The following ATP11A variants were observed in gnomAD, a reference collection of about 807,000 sequenced individuals.
ATP11A encodes ATPase phospholipid transporting 11A, also known as phospholipid-transporting ATPase IH.
A neutral mutation model predicts 154.4 loss-of-function variants in ATP11A; 81 were observed. The observed-to-expected ratio is 0.52, with a 90% CI of 0.44 to 0.63. ATP11A has a LOEUF of 0.63. ATP11A is among the 30% of genes least tolerant of loss of function. The probability of loss-of-function intolerance (pLI) is 0.00; values close to 1 mark genes in which losing one functional copy is unlikely to be tolerated. For missense variants in ATP11A, 1,316 were observed against 1,474.3 expected (o/e 0.89, Z 1.76); for synonymous variants, 623 against 585.9 (o/e 1.06, Z -0.91).
chr13:112,791,918 G>T (rs997819518), intron 2 of ATP11A, among the ~76,000 whole-genome samples: 2 of 152,204 alleles, frequency 1.3e-5, no homozygotes, highest in African/African-American at 4.8e-5. Context: ...ACTCAGGAAC[G>T]CACAGACCGG....
chr13:112,853,995 G>T (rs2079849638), intron 18 of ATP11A, among the ~76,000 whole-genome samples: 1 of 152,180 alleles, frequency 6.6e-6, no homozygotes, highest in Non-Finnish European at 1.5e-5. Flanking sequence ...AAAACCGCCA[G>T]GCTTGTCAGA....
At chr13:112,719,568 G>A (rs1888914460) in intron 1 of ATP11A, among the ~76,000 whole-genome samples, 1 of 152,184 alleles carries the variant, frequency 6.6e-6, no homozygotes, top group African/African-American at 2.4e-5. Context: ...CATAATGAGA[G>A]CTCCCACTGG....
chr13:112,769,885 T>C (rs1199253611), intron 1 of ATP11A, among the ~76,000 whole-genome samples: 2 of 152,192 alleles, frequency 1.3e-5, no homozygotes, highest in East Asian at 1.9e-4. Flanking sequence ...CGGCTGTAAA[T>C]GGACACACGT....
At chr13:112,721,817 A>G (rs1424953332) in intron 1 of ATP11A, among the ~76,000 whole-genome samples, 1 of 152,180 alleles carries the variant, frequency 6.6e-6, no homozygotes, top group African/African-American at 2.4e-5. Flanking sequence ...CCAAATTCAG[A>G]TTAGTATGAG....
At chr13:112,732,454 C>G (rs1478744031) in intron 1 of ATP11A, among the ~76,000 whole-genome samples, 1 of 152,128 alleles carries the variant, frequency 6.6e-6, no homozygotes, top group African/African-American at 2.4e-5. Flanking sequence ...CTCTCTCTCT[C>G]CAGCTCTGTC....
Position 112,838,369 on chromosome 13 carries a change from C to T in ATP11A, c.1705+2118C>T, listed in dbSNP as rs111488328. The stretch of plus-strand genomic sequence containing the variant: ...GCTGGAACATGCTGCCCGTGACCTG[C>T]GGGGCTGACTCACGTGGTTTTCCCC... On this transcript the variant is annotated intron_variant, in intron 16 of 29. Transcript: ENST00000375645. This position sits in a 1 kb window ranked among gnomAD's most constrained non-coding sequence, Gnocchi z 7.3. Among the ~76,000 whole-genome samples the T allele has an allele frequency of 8.9e-3, 1,354 of 151,872 alleles. 24 individuals carry two copies. Among genetic ancestry groups the T allele is most frequent in the African/African-American group, 0.03 (1,252 of 41,402 alleles).
chr13:112,755,423 G>T (rs9603937), intron 1 of ATP11A, among the ~76,000 whole-genome samples: 13,365 of 152,224 alleles, frequency 0.088, 852 homozygotes, highest in African/African-American at 0.17. Flanking sequence ...GTCACCCACA[G>T]GGCGCTTGCC....
At chr13:112,873,536 A>G (rs2140423098) in intron 26 of ATP11A, 37 bp from the exon 27 acceptor site, 1 of 1,502,512 alleles carries the variant, frequency 6.7e-7, no homozygotes. Context: ...CACTGCTCAG[A>G]TGACACCGTT....
At chr13:112,738,972 A>G (rs1304914228) in intron 1 of ATP11A, among the ~76,000 whole-genome samples, 1 of 152,210 alleles carries the variant, frequency 6.6e-6, no homozygotes, top group East Asian at 1.9e-4. Flanking sequence ...AGCCTAGCAG[A>G]GGACTAAGTA....
In ATP11A at chr13:112,875,758, C is replaced by G. The variant is rs758065877; in HGVS notation, c.3162-18C>G. The G allele has an allele frequency of 4.3e-6, 7 of 1,609,732 alleles. No individual in the cohort carries two copies. The highest frequency in any genetic ancestry group is 3.4e-6 in the Non-Finnish European group (4 of 1,176,992). ...GGAGTACATGCCTCACCAGCGGCTT[C>G]TCTTCCCTGCCCCTCAGGCCGTTCC... On this transcript the variant is annotated intron_variant, in intron 27 of 29. Transcript: ENST00000375645. The surrounding 1 kb of genome is among the most constrained non-coding windows in gnomAD (Gnocchi z 4.1).
At chr13:112,743,382 G>A (rs1358842108) in intron 1 of ATP11A, among the ~76,000 whole-genome samples, 3 of 141,782 alleles carry the variant, frequency 2.1e-5, no homozygotes, top group African/African-American at 3.2e-5. Context: ...AGCACTGACG[G>A]CATAGGCAGG....
At chr13:112,734,253 T>G (rs1324782939) in intron 1 of ATP11A, among the ~76,000 whole-genome samples, 1 of 151,908 alleles carries the variant, frequency 6.6e-6, no homozygotes, top group Non-Finnish European at 1.5e-5. Flanking sequence ...TTTTAATTGG[T>G]GCTGGGATGA....
chr13:112,847,830 A>G (rs768365733), intron 17 of ATP11A, among the ~76,000 whole-genome samples: 1 of 152,200 alleles, frequency 6.6e-6, no homozygotes, highest in African/African-American at 2.4e-5. Context: ...TCATACTTGT[A>G]ATTCCAGCAC....
chr13:112,817,874 A>T (rs1212881015), intron 6 of ATP11A, among the ~76,000 whole-genome samples: 1 of 152,234 alleles, frequency 6.6e-6, no homozygotes, highest in Admixed American at 6.5e-5. Flanking sequence ...CCTTAAAAGC[A>T]GAGTAGGGGC....
chr13:112,832,167 C>T (rs962352431), intron 13 of ATP11A, among the ~76,000 whole-genome samples: 2 of 152,244 alleles, frequency 1.3e-5, no homozygotes, highest in Non-Finnish European at 2.9e-5. Flanking sequence ...CACACACGCC[C>T]CAAATGCCGT....
At chr13:112,806,846 C>A (rs61294147) in intron 4 of ATP11A, among the ~76,000 whole-genome samples, 3 of 152,118 alleles carry the variant, frequency 2.0e-5, no homozygotes, top group African/African-American at 4.8e-5. Flanking sequence ...TTTCTGTCAC[C>A]GTAGAGTCGC....
chr13:112,848,164 T>C (rs1319300502), intron 17 of ATP11A, among the ~76,000 whole-genome samples: 1 of 152,186 alleles, frequency 6.6e-6, no homozygotes, highest in Non-Finnish European at 1.5e-5. Context: ...AATCAGTAGA[T>C]CACTTTGGGT....
At chr13:112,856,340 A>T (rs1042282989) in intron 20 of ATP11A, 7 of 269,658 alleles carry the variant, frequency 2.6e-5, no homozygotes, top group African/African-American at 1.5e-4. Flanking sequence ...GCCCTGGCTG[A>T]CTTCTGTTAA....
At chr13:112,775,451 C>T (rs2077324779) in intron 1 of ATP11A, among the ~76,000 whole-genome samples, 1 of 152,204 alleles carries the variant, frequency 6.6e-6, no homozygotes, top group African/African-American at 2.4e-5. Flanking sequence ...GGCCCAGCAG[C>T]CTGGGGCCTC....
Sources: gnomAD v4.1 joint callset for allele counts (sites outside exome capture counted in the v4.1 genomes callset) on GRCh38, gnomAD v4.1.1 for gene constraint, Gnocchi (gnomAD v3.1) non-coding constraint, MANE v1.5 for transcripts, NCBI Gene and HGNC (gene_info 2026-07-23, HGNC 2026-07-21) for gene names.